FER: variants seen among roughly 807,000 people sequenced by gnomAD.
The protein encoded by FER is FER tyrosine kinase, also known as tyrosine-protein kinase Fer.
FER carries 63 observed loss-of-function variants against 111.0 expected under a neutral mutation model. That is an observed-to-expected ratio of 0.57 (90% CI 0.46 to 0.70). The LOEUF (loss-of-function observed/expected upper bound fraction) is 0.70. Ranked by LOEUF, FER falls within the 30% of genes least tolerant of loss-of-function variation. The pLI, the probability that FER is intolerant of heterozygous loss-of-function variation, is 0.00. For synonymous variants in FER, 327 were observed against 313.9 expected, an observed-to-expected ratio of 1.04 and a Z score of -0.44; for missense variants, 914 against 954.0, an observed-to-expected ratio of 0.96 and a Z score of 0.55.
intron 1 of FER, among the ~76,000 whole-genome samples, chr5:108,762,880 G>T (rs950722710): frequency 6.6e-6 from 1 of 152,072 alleles, no homozygotes; most frequent in African/African-American, 2.4e-5. Flanking sequence ...CAGGTCTTTG[G>T]TAAATGTCAC....
At chr5:108,958,297 T>C (rs941160163) in intron 12 of FER, among the ~76,000 whole-genome samples, 4 of 151,758 alleles carry the variant, frequency 2.6e-5, no homozygotes, top group African/African-American at 7.2e-5. Context: ...AAAGTTCTTA[T>C]TTCTTCACAG....
At chr5:109,122,325 T>A (rs894842631) in intron 17 of FER, among the ~76,000 whole-genome samples, 14 of 152,186 alleles carry the variant, frequency 9.2e-5, no homozygotes, top group Non-Finnish European at 2.1e-4. Context: ...TCTTCATTGA[T>A]TCACTGGTCA....
At chr5:108,928,325 T>C (rs778498807) in intron 10 of FER, among the ~76,000 whole-genome samples, 69 of 152,328 alleles carry the variant, frequency 4.5e-4, no homozygotes, top group Admixed American at 9.1e-4. Flanking sequence ...AGCTCCATAC[T>C]TTCTGATGGA....
intron 17 of FER, among the ~76,000 whole-genome samples, chr5:109,113,880 T>A (rs1235991732): frequency 6.6e-6 from 1 of 152,116 alleles, no homozygotes; most frequent in Non-Finnish European, 1.5e-5. Context: ...ACTGAAAACA[T>A]TATCTAATGT....
chr5:108,997,791 G>C (rs867603942), intron 13 of FER, among the ~76,000 whole-genome samples: 15 of 152,160 alleles, frequency 9.9e-5, no homozygotes, highest in African/African-American at 3.6e-4. Flanking sequence ...ATAAGTTCCT[G>C]ACTGTGGCTG....
chr5:108,964,595 T>G (rs1163727524), intron 13 of FER, among the ~76,000 whole-genome samples: 1 of 152,116 alleles, frequency 6.6e-6, no homozygotes, highest in African/African-American at 2.4e-5. Context: ...TGATGGGAGA[T>G]GAGCGCAGAT....
At chr5:108,864,536 C>G (rs1342757216) in intron 5 of FER, among the ~76,000 whole-genome samples, 1 of 152,164 alleles carries the variant, frequency 6.6e-6, no homozygotes, top group South Asian at 2.1e-4. Flanking sequence ...GTCAAAAATT[C>G]TCAACTTAAG....
At chr5:109,176,842 A>C (rs1236474379) in intron 17 of FER, among the ~76,000 whole-genome samples, 1 of 152,248 alleles carries the variant, frequency 6.6e-6, no homozygotes, top group South Asian at 2.1e-4. Flanking sequence ...GCCAAGGAGT[A>C]CACTTGGCCT....
chr5:108,748,054 A>G (rs1269497873), intron 1 of FER, 54 bp downstream of exon 1: 3 of 152,264 alleles, frequency 2.0e-5, no homozygotes, highest in Admixed American at 1.3e-4. Flanking sequence ...GCTTTTAAAC[A>G]TCCATTACAA....
chr5:109,097,072 A>G (rs1401707014), intron 16 of FER, among the ~76,000 whole-genome samples: 1 of 150,954 alleles, frequency 6.6e-6, no homozygotes. Context: ...CATGCTTGAT[A>G]CTTTAAATAC....
chr5:109,022,311 G>C (rs1768040378), intron 13 of FER, among the ~76,000 whole-genome samples: 1 of 152,096 alleles, frequency 6.6e-6, no homozygotes, highest in Non-Finnish European at 1.5e-5. Flanking sequence ...CATGGATGCA[G>C]CTTGGAATAT....
In FER at chr5:109,191,276, T is replaced by A. The variant is rs1315974318; in HGVS notation, c.*3701T>A. The A allele has an allele frequency of 6.6e-6, 1 of 152,176 alleles. No homozygotes were observed. The highest frequency in any genetic ancestry group is 1.5e-5 in the Non-Finnish European group (1 of 68,014). The allele number at this position is 152,176 out of a possible 1,614,324, so 9.4% of individuals were successfully genotyped here. A position where few individuals can be genotyped will look rare whatever the true frequency, so the allele number is the denominator to read the frequency against. ...TAATTAATTCTGGTGAGTCATCAGA[T>A]GTAGGAATGTACCTGAAAACCTTAC... On this transcript the variant is annotated 3_prime_UTR_variant, in exon 20 of 20. Coordinates refer to ENST00000281092, the MANE Select transcript of FER (RefSeq NM_005246.4).
At chr5:108,775,904 T>A (rs1433850137) in intron 2 of FER, among the ~76,000 whole-genome samples, 2 of 152,210 alleles carry the variant, frequency 1.3e-5, no homozygotes, top group Non-Finnish European at 2.9e-5. Context: ...GTTTTTTGGT[T>A]TGTACTTGCA....
intron 17 of FER, among the ~76,000 whole-genome samples, chr5:109,115,303 G>A (rs1411188594): frequency 6.6e-6 from 1 of 152,068 alleles, no homozygotes; most frequent in African/African-American, 2.4e-5. Context: ...TATTTAGGAA[G>A]TAGAATCAAC....
At chr5:108,952,799 G>A (rs756606569) in intron 11 of FER, among the ~76,000 whole-genome samples, 3 of 151,680 alleles carry the variant, frequency 2.0e-5, no homozygotes, top group East Asian at 1.9e-4. Context: ...TTAGTTCATC[G>A]AACTCTGTTC....
chr5:108,962,395 C>G (rs1759261990), intron 13 of FER, among the ~76,000 whole-genome samples: 1 of 152,176 alleles, frequency 6.6e-6, no homozygotes, highest in Non-Finnish European at 1.5e-5. Flanking sequence ...CCTTGTCTGA[C>G]TACCATGTAT....
At position 108,959,206 on chromosome 5, in the gene FER, C is replaced by A; in HGVS notation, c.1534-19C>A. 1 of 1,602,364 alleles carries A rather than the reference C, an allele frequency of 6.2e-7. No homozygotes were observed. The highest frequency in any genetic ancestry group is 1.1e-5 in the South Asian group (1 of 88,484). The stretch of plus-strand genomic sequence containing the variant: ...AGCAATGTCTTCACATTTATTCTAC[C>A]TTATTGTTCTCTCTCCAGAACATGT... On this transcript the variant is annotated intron_variant, in intron 12 of 19. Coordinates refer to ENST00000281092, the MANE Select transcript of FER (RefSeq NM_005246.4).
intron 10 of FER, among the ~76,000 whole-genome samples, chr5:108,917,891 T>C (rs545958317): frequency 3.0e-4 from 45 of 152,218 alleles, no homozygotes; most frequent in Non-Finnish European, 3.8e-4. Flanking sequence ...AAACCTCACA[T>C]TGCAGGGCTT....
In FER at chr5:109,186,214, G is replaced by A; in HGVS notation, c.2218G>A (p.Glu740Lys). ...EALNYGRYSS[E>K]SDVWSFGILL... ...TCCTCTTCCAGGGAGATACAGTTCA[G>A]AGAGTGACGTGTGGAGCTTTGGCAT... is the stretch of plus-strand genomic sequence containing the variant. Residue 740 changes from glutamate (E) to lysine (K), a missense_variant, in exon 19 of 20, where the codon GAG becomes AAG. Transcript: ENST00000281092. 1 of 1,614,136 alleles carries A rather than the reference G, an allele frequency of 6.2e-7. No individual in the cohort carries two copies. The highest frequency in any genetic ancestry group is 8.5e-7 in the Non-Finnish European group (1 of 1,179,970).
Sources: gnomAD v4.1 joint callset for allele counts (sites outside exome capture counted in the v4.1 genomes callset) on GRCh38, gnomAD v4.1.1 for gene constraint, MANE v1.5 for transcripts, NCBI Gene and HGNC (gene_info 2026-07-23, HGNC 2026-07-21) for gene names.